SLC8A3: variants seen among roughly 807,000 people sequenced by gnomAD.
SLC8A3 encodes the protein solute carrier family 8 member A3, also known as sodium/calcium exchanger 3.
Under a neutral mutation model 65.4 loss-of-function variants are expected in SLC8A3, and 37 were observed. The ratio of observed to expected loss-of-function variants is 0.57; its 90% CI spans 0.44 to 0.74. SLC8A3 has a LOEUF of 0.74. SLC8A3 is among the 30% of genes least tolerant of loss of function. The pLI, the probability that SLC8A3 is intolerant of heterozygous loss-of-function variation, is 0.00. For missense variants in SLC8A3, 1,112 were observed against 1,172.1 expected, an observed-to-expected ratio of 0.95 and a Z score of 0.75; for synonymous variants, 461 against 444.5, an observed-to-expected ratio of 1.04 and a Z score of -0.47.
intron 2 of SLC8A3, among the ~76,000 whole-genome samples, chr14:70,160,467 T>C (rs1368956019): frequency 6.6e-6 from 1 of 152,134 alleles, no homozygotes; most frequent in Non-Finnish European, 1.5e-5. Flanking sequence ...GGAGAGAATA[T>C]GCCTAGGTCA....
At chr14:70,179,870 T>A (rs1882583096) in intron 1 of SLC8A3, among the ~76,000 whole-genome samples, 1 of 152,248 alleles carries the variant, frequency 6.6e-6, no homozygotes, top group Admixed American at 6.5e-5. Context: ...TTGGGGCTCA[T>A]TTATTGCTGA....
chr14:70,168,316 C>G lies in SLC8A3; in HGVS notation c.107G>C (p.Gly36Ala), dbSNP rs199621457. The G allele has an allele frequency of 1.9e-6, 3 of 1,614,152 alleles. No homozygotes were observed. In the African/African-American group the frequency reaches 4.0e-5, roughly 22 times the overall value. The change falls in exon 2 of 7, where the codon GGG (glycine) becomes GCG (alanine). Residue 36 changes from glycine (G) to alanine (A), a missense_variant. Gly to Ala is a moderately conservative substitution (Grantham distance 60). Transcript: ENST00000356921. Reference sequence around the variant, plus strand: ...GTTCTGCCCTGTGCTTGGCACGTCCCCTGAGCCACCAGCCTCTGCTCGAAG... The same window carrying G: ...GTTCTGCCCTGTGCTTGGCACGTCCGCTGAGCCACCAGCCTCTGCTCGAAG... ...NGLRAEAGGS[G>A]DVPSTGQNNE... is the part of the protein sequence containing the mutation.
At chr14:70,119,265 G>A (rs964378414) in intron 2 of SLC8A3, among the ~76,000 whole-genome samples, 2 of 152,138 alleles carry the variant, frequency 1.3e-5, no homozygotes, top group Non-Finnish European at 2.9e-5. Flanking sequence ...TCAATCTGAG[G>A]CCTTGGTGGG....
chr14:70,113,971 T>A (rs2140154621), intron 2 of SLC8A3, among the ~76,000 whole-genome samples: 1 of 152,150 alleles, frequency 6.6e-6, no homozygotes, highest in Non-Finnish European at 1.5e-5. Context: ...TGAGAATAAG[T>A]CTCATGAACT....
chr14:70,063,960 A>G (rs766267042), intron 2 of SLC8A3: 6 of 1,247,926 alleles, frequency 4.8e-6, no homozygotes. Context: ...ATCATAAGCA[A>G]GGAGTAGAGT....
At chr14:70,114,864 C>T (rs951307268) in intron 2 of SLC8A3, among the ~76,000 whole-genome samples, 1 of 152,094 alleles carries the variant, frequency 6.6e-6, no homozygotes, top group African/African-American at 2.4e-5. Flanking sequence ...TGGGAGAGAG[C>T]GCGTGCTCCA....
At chr14:70,072,800 A>C (rs1481105534) in intron 2 of SLC8A3, among the ~76,000 whole-genome samples, 1 of 152,138 alleles carries the variant, frequency 6.6e-6, no homozygotes, top group Non-Finnish European at 1.5e-5. Flanking sequence ...GGCATGCGCC[A>C]CTAAACCCAG....
intron 2 of SLC8A3, among the ~76,000 whole-genome samples, chr14:70,066,686 C>T (rs533800291): frequency 3.5e-4 from 53 of 152,320 alleles, no homozygotes; most frequent in Non-Finnish European, 6.5e-4. Context: ...TGGTGCATGC[C>T]TGTAATCCCA....
chr14:70,090,635 T>C (rs1594967233), intron 2 of SLC8A3, among the ~76,000 whole-genome samples: 1 of 152,328 alleles, frequency 6.6e-6, no homozygotes, highest in South Asian at 2.1e-4. Flanking sequence ...CTTGTATATA[T>C]ATAGTGGTTC....
chr14:70,139,513 G>A (rs1361524102), intron 2 of SLC8A3, among the ~76,000 whole-genome samples: 2 of 152,198 alleles, frequency 1.3e-5, no homozygotes, highest in Non-Finnish European at 1.5e-5. Flanking sequence ...CCAGCAGAAG[G>A]TCTGCTGGAG....
At chr14:70,061,464 G>A (rs1042128170) in intron 2 of SLC8A3, among the ~76,000 whole-genome samples, 1 of 151,960 alleles carries the variant, frequency 6.6e-6, no homozygotes, top group African/African-American at 2.4e-5. Context: ...CACTTCCATT[G>A]TGAGTTTCAG....
At chr14:70,129,475 C>T (rs2140219868) in intron 2 of SLC8A3, among the ~76,000 whole-genome samples, 1 of 152,240 alleles carries the variant, frequency 6.6e-6, no homozygotes, top group South Asian at 2.1e-4. Flanking sequence ...TTATTATTAT[C>T]CTTATTTTAC....
intron 2 of SLC8A3, among the ~76,000 whole-genome samples, chr14:70,123,368 A>C (rs999185583): frequency 6.6e-6 from 1 of 152,090 alleles, no homozygotes; most frequent in African/African-American, 2.4e-5. Context: ...AAAAACAAAG[A>C]GCATGGAATA....
intron 1 of SLC8A3, among the ~76,000 whole-genome samples, chr14:70,171,919 C>A (rs1897569370): frequency 6.6e-6 from 1 of 152,132 alleles, no homozygotes; most frequent in Admixed American, 6.5e-5. Flanking sequence ...TCTTTGCAGC[C>A]CTGCCAGGAA....
chr14:70,178,311 G>A (rs1261530134), intron 1 of SLC8A3, among the ~76,000 whole-genome samples: 1 of 152,200 alleles, frequency 6.6e-6, no homozygotes, highest in Non-Finnish European at 1.5e-5. Flanking sequence ...GGATTCAATA[G>A]ACCAGACTGT....
chr14:70,087,780 AT>A (rs1482166072), intron 2 of SLC8A3, among the ~76,000 whole-genome samples: 2 of 152,188 alleles, frequency 1.3e-5, no homozygotes, highest in African/African-American at 4.8e-5. Context: ...CGTCATTTCT[AT>A]TTTATAAAAG....
At chr14:70,069,409 G>A (rs1889792722) in intron 2 of SLC8A3, among the ~76,000 whole-genome samples, 1 of 152,170 alleles carries the variant, frequency 6.6e-6, no homozygotes, top group Admixed American at 6.5e-5. Flanking sequence ...ACCCTGTCAA[G>A]AAGCGTTCCC....
At chr14:70,050,253 T>TAGCAGC (rs369376146) in intron 5 of SLC8A3, among the ~76,000 whole-genome samples, 3 of 151,810 alleles carry the variant, frequency 2.0e-5, no homozygotes, top group Non-Finnish European at 4.4e-5. Flanking sequence ...AAAAGTGGGG[T>TAGCAGC]AGCAGCAGCA....
At chr14:70,124,838 C>G (rs1894335643) in intron 2 of SLC8A3, among the ~76,000 whole-genome samples, 1 of 152,144 alleles carries the variant, frequency 6.6e-6, no homozygotes, top group South Asian at 2.1e-4. Context: ...GTTTATAAGA[C>G]TATATTTGGG....
Sources: allele counts gnomAD v4.1 joint callset (sites outside exome capture counted in the v4.1 genomes callset), GRCh38; gene constraint gnomAD v4.1.1; transcripts MANE v1.5; gene names NCBI Gene and HGNC (gene_info 2026-07-23, HGNC 2026-07-21).